The following TRAPPC9 variants were observed in gnomAD, a reference collection of about 807,000 sequenced individuals.
TRAPPC9 encodes the protein IKK2 binding protein.
In TRAPPC9, 83 loss-of-function variants were observed where a neutral mutation model predicts 124.0. The observed-to-expected ratio is 0.67, with a 90% CI of 0.56 to 0.80. The LOEUF is 0.80. Ranked by LOEUF, TRAPPC9 falls within the 30% of genes least tolerant of loss-of-function variation. TRAPPC9 has a pLI of 0.00. For missense variants in TRAPPC9, 1,302 were observed against 1,508.3 expected (o/e 0.86, Z 2.27); for synonymous variants, 638 against 617.5 (o/e 1.03, Z -0.49).
chr8:139,920,141 T>G (rs1164222706), intron 19 of TRAPPC9, among the ~76,000 whole-genome samples: 1 of 152,128 alleles, frequency 6.6e-6, no homozygotes, highest in Non-Finnish European at 1.5e-5. Context: ...AGGTCAGGAG[T>G]TCGAGACCAG....
chr8:140,412,878 A>G (rs566348378), intron 5 of TRAPPC9, among the ~76,000 whole-genome samples: 1 of 152,326 alleles, frequency 6.6e-6, no homozygotes, highest in Admixed American at 6.5e-5. Flanking sequence ...TATAAATGAA[A>G]TGAAAATGGG....
chr8:139,988,920 C>G (rs1421486886), intron 18 of TRAPPC9, 84 bp from the exon 19 acceptor site: 1 of 948,392 alleles, frequency 1.1e-6, no homozygotes, highest in Admixed American at 2.0e-5. Context: ...CCAAAGACTT[C>G]CCACCACTTA....
chr8:139,831,015 A>C (rs542085138), intron 21 of TRAPPC9, among the ~76,000 whole-genome samples: 18 of 152,354 alleles, frequency 1.2e-4, no homozygotes, highest in African/African-American at 4.1e-4. Flanking sequence ...TGCACTTGGC[A>C]ATCACAGCGA....
intron 17 of TRAPPC9, among the ~76,000 whole-genome samples, chr8:140,051,148 T>G (rs538205759): frequency 6.6e-6 from 1 of 152,302 alleles, no homozygotes; most frequent in African/African-American, 2.4e-5. Context: ...AAGAGAGAAG[T>G]GCCTTCATTC....
intron 21 of TRAPPC9, among the ~76,000 whole-genome samples, chr8:139,796,910 A>C (rs1362316381): frequency 6.6e-6 from 1 of 152,234 alleles, no homozygotes; most frequent in African/African-American, 2.4e-5. Context: ...AACACTTGTT[A>C]CTATCCGTCT....
intron 1 of TRAPPC9, 135 bp downstream of exon 1, chr8:140,457,503 GT>G (rs1428673796): frequency 2.8e-6 from 2 of 725,610 alleles, no homozygotes; most frequent in Non-Finnish European, 3.4e-6. Flanking sequence ...CCGGACAGGT[GT>G]GGCGGGCTCC....
intron 17 of TRAPPC9, among the ~76,000 whole-genome samples, chr8:140,167,473 A>G (rs1405397601): frequency 1.3e-5 from 2 of 152,158 alleles, no homozygotes; most frequent in Non-Finnish European, 2.9e-5. Flanking sequence ...GAAAGCCATC[A>G]CCATCCTCAC....
intron 19 of TRAPPC9, among the ~76,000 whole-genome samples, chr8:139,976,729 C>G (rs1836502548): frequency 6.6e-6 from 1 of 152,220 alleles, no homozygotes; most frequent in South Asian, 2.1e-4. Flanking sequence ...CATGAAGCAG[C>G]CTTGCAGAGT....
intron 17 of TRAPPC9, chr8:140,096,639 A>G (rs1277572974): frequency 6.6e-6 from 1 of 152,240 alleles, no homozygotes; most frequent in Non-Finnish European, 1.5e-5. Context: ...GGAAGGAAAA[A>G]GTTGCCATCA....
At chr8:139,800,793 G>GTCCGGTATCTTTACCTTCCCTCCC (rs1823449632) in intron 21 of TRAPPC9, among the ~76,000 whole-genome samples, 1 of 86,038 alleles carries the variant, frequency 1.2e-5, no homozygotes, top group African/African-American at 4.5e-5. Flanking sequence ...CCTTCCCTCC[G>GTCCGGTATCTTTACCTTCCCTCCC]TCCGGTATCT....
At chr8:139,947,924 C>CAAGA (rs1269733140) in intron 19 of TRAPPC9, among the ~76,000 whole-genome samples, 1 of 83,470 alleles carries the variant, frequency 1.2e-5, no homozygotes, top group Non-Finnish European at 2.3e-5. Context: ...AGAGAGAGAG[C>CAAGA]GAGAGAGAGA....
intron 21 of TRAPPC9, among the ~76,000 whole-genome samples, chr8:139,824,949 C>G (rs934887467): frequency 2.3e-4 from 35 of 152,174 alleles, no homozygotes; most frequent in African/African-American, 8.2e-4. Context: ...TTACTCAAGG[C>G]CTCCAGGGTT....
intron 15 of TRAPPC9, among the ~76,000 whole-genome samples, chr8:140,266,973 G>C (rs2064688456): frequency 6.6e-6 from 1 of 152,104 alleles, no homozygotes; most frequent in African/African-American, 2.4e-5. Context: ...GACCCACAAA[G>C]GTCTGTCTGA....
chr8:140,014,212 T>A (rs961666072), intron 18 of TRAPPC9, among the ~76,000 whole-genome samples: 1 of 152,140 alleles, frequency 6.6e-6, no homozygotes, highest in Middle Eastern at 3.4e-3. Flanking sequence ...AGAGTAGAAA[T>A]GTCTAAGAGT....
intron 17 of TRAPPC9, among the ~76,000 whole-genome samples, chr8:140,203,081 GACTACCTT>G: frequency 6.6e-6 from 1 of 152,142 alleles, no homozygotes; most frequent in Admixed American, 6.5e-5. Context: ...TACTGGTTTG[GACTACCTT>G]GTTATAATAA....
chr8:139,912,388 T>C (rs1831802707), intron 19 of TRAPPC9, among the ~76,000 whole-genome samples: 1 of 151,988 alleles, frequency 6.6e-6, no homozygotes, highest in Non-Finnish European at 1.5e-5. Flanking sequence ...AGAATGGTTC[T>C]CCTATTTTTT....
chr8:139,774,684 C>G (rs547437529), intron 21 of TRAPPC9, among the ~76,000 whole-genome samples: 28 of 152,298 alleles, frequency 1.8e-4, no homozygotes, highest in East Asian at 3.9e-4. Flanking sequence ...CCCGGAGGAA[C>G]GAGGGCTTCT....
chr8:140,117,979 C>A (rs1483320448), intron 17 of TRAPPC9, among the ~76,000 whole-genome samples: 1 of 152,220 alleles, frequency 6.6e-6, no homozygotes, highest in East Asian at 1.9e-4. Flanking sequence ...CTGAACTATA[C>A]CATTTACCTG....
intron 5 of TRAPPC9, among the ~76,000 whole-genome samples, chr8:140,410,517 C>G (rs1228026919): frequency 2.0e-5 from 3 of 151,880 alleles, no homozygotes; most frequent in African/African-American, 4.8e-5. Flanking sequence ...GCCTGGGCAA[C>G]AGAGCAAGAC....
Sources: gnomAD v4.1 joint callset for allele counts (sites outside exome capture counted in the v4.1 genomes callset) on GRCh38, gnomAD v4.1.1 for gene constraint, MANE v1.5 for transcripts, NCBI Gene and HGNC (gene_info 2026-07-23, HGNC 2026-07-21) for gene names.